TAB2: variants seen among roughly 807,000 people sequenced by gnomAD.
TAB2 encodes the protein TGF-beta-activated kinase 1 and MAP3K7-binding protein 2.
A neutral mutation model predicts 65.0 loss-of-function variants in TAB2; 3 were observed. The observed-to-expected ratio is 0.05, with a 90% CI of 0.02 to 0.12. The LOEUF is 0.12. Among genes scored for constraint, TAB2 ranks in the 10% least tolerant of loss-of-function variants. The pLI is 1.00. For missense variants in TAB2, 623 were observed against 840.3 expected (o/e 0.74, Z 3.20); for synonymous variants, 298 against 285.1 (o/e 1.05, Z -0.46).
chr6:149,239,175 G>T (rs994001555), intron 1 of TAB2, among the ~76,000 whole-genome samples: 4 of 152,202 alleles, frequency 2.6e-5, no homozygotes, highest in Non-Finnish European at 5.9e-5. Flanking sequence ...GAGCATTTGT[G>T]CTTCCAATGA....
intron 1 of TAB2, among the ~76,000 whole-genome samples, chr6:149,296,761 T>C (rs1349561133): frequency 6.6e-6 from 1 of 152,204 alleles, no homozygotes; most frequent in Non-Finnish European, 1.5e-5. Flanking sequence ...ATAGTACTTT[T>C]ATTTTAAGGA....
chr6:149,339,117 G>A (rs1387483873), intron 1 of TAB2, among the ~76,000 whole-genome samples: 3 of 152,190 alleles, frequency 2.0e-5, no homozygotes, highest in Admixed American at 2.0e-4. Flanking sequence ...TGTAATCCCA[G>A]CCCTTTGGGA....
At chr6:149,294,852 C>A (rs1778846907) in intron 1 of TAB2, among the ~76,000 whole-genome samples, 1 of 152,138 alleles carries the variant, frequency 6.6e-6, no homozygotes. Context: ...GTTTTCCTCA[C>A]AGAATTGTGA....
At chr6:149,379,963 G>A (rs1030292825) in intron 3 of TAB2, 3 of 450,386 alleles carry the variant, frequency 6.7e-6, no homozygotes, top group African/African-American at 6.0e-5. Context: ...TTCTTGGCTG[G>A]GCATGGTGGC....
At chr6:149,319,616 A>G (rs1426480797) in intron 1 of TAB2, among the ~76,000 whole-genome samples, 1 of 152,236 alleles carries the variant, frequency 6.6e-6, no homozygotes, top group Admixed American at 6.5e-5. Flanking sequence ...AGTGATTCAG[A>G]ACTTCTGTTT....
intron 1 of TAB2, among the ~76,000 whole-genome samples, chr6:149,272,802 G>T (rs1213936446): frequency 6.6e-6 from 1 of 152,110 alleles, no homozygotes; most frequent in South Asian, 2.1e-4. Flanking sequence ...CAGGAAAGTT[G>T]GTCACGCTAT....
chr6:149,261,376 T>C (rs889486555), intron 1 of TAB2, among the ~76,000 whole-genome samples: 3 of 152,238 alleles, frequency 2.0e-5, no homozygotes, highest in Admixed American at 6.5e-5. Context: ...AATATGCATT[T>C]ACTGGTATTG....
rs267607101 is a variant in TAB2, at chr6:149,378,537, C to T, written c.622C>T (p.Pro208Ser). ...TGTACCTCCACCTGTACTTAACAGT[C>T]CACAGGGAAATTCTATCTATATTAG... The part of the protein sequence containing the change: ...HGVPPPVLNS[P>S]QGNSIYIRPY... Residue 208 changes from proline to serine, a missense_variant, in exon 3 of 7, where the codon CCA (proline) becomes TCA (serine). Around this residue, in one of 3 missense-constraint regions of TAB2, gnomAD observed 550 missense variants for 665.7 expected, o/e 0.83. Transcript: ENST00000637181. 6 of 1,614,120 alleles carry T rather than the reference C, an allele frequency of 3.7e-6. No homozygotes were observed. The highest frequency in any genetic ancestry group is 5.1e-6 in the Non-Finnish European group (6 of 1,180,036).
intron 3 of TAB2, among the ~76,000 whole-genome samples, chr6:149,395,492 A>G (rs932940062): frequency 5.9e-5 from 9 of 152,236 alleles, no homozygotes; most frequent in Admixed American, 5.2e-4. Context: ...CCTTTAGCAC[A>G]GATCCCTAAA....
upstream of TAB2, among the ~76,000 whole-genome samples, chr6:149,317,088 G>C (rs521989): frequency 0.88 from 133,072 of 150,598 alleles, 58,791 homozygotes; most frequent in Middle Eastern, 0.95. This position sits in a 1 kb window ranked among gnomAD's most constrained non-coding sequence, Gnocchi z 4.7. Context: ...CCGGCCGCCC[G>C]GCAAGTCCCG....
chr6:149,236,040 T>C (rs1233372595), intron 1 of TAB2, among the ~76,000 whole-genome samples: 1 of 152,182 alleles, frequency 6.6e-6, no homozygotes, highest in African/African-American at 2.4e-5. Flanking sequence ...GCAGAAATAC[T>C]TTCTAAAGAT....
chr6:149,332,946 TA>T (rs1380273600), intron 1 of TAB2, among the ~76,000 whole-genome samples: 2 of 152,210 alleles, frequency 1.3e-5, no homozygotes, highest in African/African-American at 4.8e-5. Context: ...GCTCCAATAA[TA>T]TTTCCTTATT....
At chr6:149,262,180 C>T (rs546905395) in intron 1 of TAB2, among the ~76,000 whole-genome samples, 6 of 152,276 alleles carry the variant, frequency 3.9e-5, no homozygotes, top group Admixed American at 2.6e-4. Context: ...TCAATGATAG[C>T]CACACTCCTA....
At chr6:149,292,901 A>T (rs1022891738) in intron 1 of TAB2, among the ~76,000 whole-genome samples, 3 of 152,128 alleles carry the variant, frequency 2.0e-5, no homozygotes, top group Non-Finnish European at 4.4e-5. Context: ...TAATTATAAA[A>T]TTTTTTCATT....
chr6:149,299,905 G>A (rs1432229363), intron 1 of TAB2, among the ~76,000 whole-genome samples: 2 of 152,068 alleles, frequency 1.3e-5, no homozygotes, highest in African/African-American at 4.8e-5. Flanking sequence ...CTACTCTGGA[G>A]GTTGAAGCAG....
intron 1 of TAB2, among the ~76,000 whole-genome samples, chr6:149,368,602 C>T (rs1452899779): frequency 4.0e-5 from 6 of 151,740 alleles, no homozygotes; most frequent in South Asian, 2.1e-4. Flanking sequence ...TACTTTCTCT[C>T]CTGCAACCCA....
At chr6:149,321,509 A>G (rs1210178831) in intron 1 of TAB2, 3 of 152,188 alleles carry the variant, frequency 2.0e-5, no homozygotes, top group Non-Finnish European at 4.4e-5. Context: ...TTTTCTAAGT[A>G]TTCCATCTCT....
At chr6:149,224,166 T>C (rs1367348117) in intron 1 of TAB2, among the ~76,000 whole-genome samples, 1 of 152,066 alleles carries the variant, frequency 6.6e-6, no homozygotes, top group Non-Finnish European at 1.5e-5. Context: ...TGGAAGAAAA[T>C]GATGTTTATA....
intron 3 of TAB2, among the ~76,000 whole-genome samples, chr6:149,389,497 T>G (rs1781911058): frequency 6.6e-6 from 1 of 151,734 alleles, no homozygotes; most frequent in Non-Finnish European, 1.5e-5. Context: ...AATACAAAAT[T>G]AGCTGGGTGT....
Sources: gnomAD v4.1 joint callset for allele counts (sites outside exome capture counted in the v4.1 genomes callset) on GRCh38, gnomAD v4.1.1 for gene constraint, gnomAD v4.1.1 regional missense constraint, Gnocchi (gnomAD v3.1) non-coding constraint, MANE v1.5 for transcripts, NCBI Gene and HGNC (gene_info 2026-07-23, HGNC 2026-07-21) for gene names.